Variants in TIAL1 observed in about 807,000 individuals in gnomAD.
TIAL1 encodes the protein TIA1 cytotoxic granule associated RNA binding protein like 1.
Under a neutral mutation model 59.7 loss-of-function variants are expected in TIAL1, and 7 were observed. The ratio of observed to expected loss-of-function variants is 0.12; its 90% confidence interval spans 0.07 to 0.22. The LOEUF (loss-of-function observed/expected upper bound fraction) is 0.22, where lower values mean the gene tolerates loss of function less well. Ranked by LOEUF, TIAL1 falls within the 10% of genes least tolerant of loss-of-function variation. The pLI is 1.00. For synonymous variants in TIAL1, 149 were observed against 146.3 expected (o/e 1.02, Z -0.13); for missense variants, 225 against 462.5 (o/e 0.49, Z 4.71).
chr10:119,586,562 A>T (rs930677213), intron 2 of TIAL1, among the ~76,000 whole-genome samples: 3 of 152,180 alleles, frequency 2.0e-5, no homozygotes, highest in Non-Finnish European at 4.4e-5. Context: ...TAAATATGCA[A>T]ATCTTGGCAC....
At chr10:119,590,350 A>G (rs1219373957) in intron 1 of TIAL1, among the ~76,000 whole-genome samples, 2 of 152,324 alleles carry the variant, frequency 1.3e-5, no homozygotes, top group Middle Eastern at 3.4e-3. Context: ...TTCTTAACTC[A>G]TAGGGGTTTG....
In TIAL1 at chr10:119,582,043, AG is replaced by A; in HGVS notation, c.284-35del. On this transcript the variant is annotated intron_variant, in intron 4 of 11. Coordinates refer to ENST00000436547, the MANE Select transcript of TIAL1 (RefSeq NM_003252.4). The surrounding 1 kb of genome is among the most constrained non-coding windows in gnomAD (Gnocchi z 5.1). ...AGAGCATTTGGTAATCAAATACTTA[AG>A]AAGTCAGCCACTAAAACCTTTTTAA... 6.2e-7 allele frequency: 1 copy of A among 1,610,302 alleles called. No individual in the cohort carries two copies.
chr10:119,575,376 C>T lies in TIAL1; in HGVS notation c.*289G>A. On this transcript the variant is annotated 3_prime_UTR_variant, in exon 12 of 12. Transcript: ENST00000436547. ...GTATCTAAGAATCAAAATGTATTAG[C>T]CATTTTTCCTATTATATCAAAATTT... 3.8e-6 allele frequency: 1 copy of T among 264,082 alleles called. No homozygotes were observed. Among genetic ancestry groups the T allele is most frequent in the Non-Finnish European group, 7.3e-6 (1 of 137,124 alleles). 16.4% of individuals were successfully genotyped at this position (264,082 alleles called of 1,614,324 possible). A position where few individuals can be genotyped will look rare whatever the true frequency, so the allele number is the denominator to read the frequency against.
At chr10:119,577,842 C>T in intron 7 of TIAL1, 106 bp from the exon 8 acceptor site, 2 of 973,666 alleles carry the variant, frequency 2.1e-6, no homozygotes, top group South Asian at 3.0e-5. Flanking sequence ...GGGCACCCAG[C>T]ACTTTGGGAG....
At chr10:119,580,125 C>T in intron 5 of TIAL1, 115 bp from the exon 6 acceptor site, 2 of 801,256 alleles carry the variant, frequency 2.5e-6, no homozygotes, top group Middle Eastern at 2.4e-4. Context: ...TCCAGTTAGC[C>T]CTAATTAACT....
chr10:119,587,472 G>C (rs947980454), intron 2 of TIAL1, among the ~76,000 whole-genome samples: 4 of 152,202 alleles, frequency 2.6e-5, no homozygotes, highest in African/African-American at 9.7e-5. Context: ...ACTTTAAGTT[G>C]TCTGCTTCTA....
chr10:119,577,769 G>A (rs765743432), intron 7 of TIAL1, 33 bp from the exon 8 acceptor site: 1 of 1,528,276 alleles, frequency 6.5e-7, no homozygotes. Context: ...AACGTTGACT[G>A]TTATATTGTA....
intron 1 of TIAL1, among the ~76,000 whole-genome samples, chr10:119,590,760 GAGAGAA>G (rs1330786452): frequency 1.8e-5 from 2 of 113,814 alleles, no homozygotes; most frequent in African/African-American, 7.2e-5. Flanking sequence ...CAGAGAGAAA[GAGAGAA>G]AGAAAGAAAG....
rs5788360 is a variant in TIAL1, at chr10:119,574,586, C to CAAAAAAAAAAAAAAAAAAAAAAA, written c.*1078_*1079insTTTTTTTTTTTTTTTTTTTTTTT. ...TATTTACATACCAAGTAATGTAAAG[C>CAAAAAAAAAAAAAAAAAAAAAAA]AAAAAAAAAAAAAAAAAAAAACAAA... On this transcript the variant is annotated 3_prime_UTR_variant, in exon 12 of 12. Coordinates refer to ENST00000436547, the MANE Select transcript of TIAL1 (RefSeq NM_003252.4). 7 of 86,574 alleles carry CAAAAAAAAAAAAAAAAAAAAAAA rather than the reference C, an allele frequency of 8.1e-5. No individual in the cohort carries two copies. Among genetic ancestry groups the CAAAAAAAAAAAAAAAAAAAAAAA allele is most frequent in the East Asian group, 4.0e-4 (1 of 2,472 alleles). The allele number at this position is 86,574 out of a possible 1,614,324, so 5.4% of individuals were successfully genotyped here.
At chr10:119,591,862 A>G (rs1845900595) in intron 1 of TIAL1, 1 of 152,226 alleles carries the variant, frequency 6.6e-6, no homozygotes, top group African/African-American at 2.4e-5. Flanking sequence ...GACGTATTGT[A>G]TAGCTTTTAA....
chr10:119,577,349 C>A, intron 9 of TIAL1, 102 bp downstream of exon 9: 2 of 1,432,366 alleles, frequency 1.4e-6, no homozygotes, highest in Non-Finnish European at 9.4e-7. Context: ...TTCTATACTG[C>A]AAAGAAGCAC....
chr10:119,582,688 A>T lies in TIAL1; in HGVS notation c.130-131T>A. 1 of 1,384,082 alleles carries T rather than the reference A, an allele frequency of 7.2e-7. No homozygotes were observed. Among genetic ancestry groups the T allele is most frequent in the Non-Finnish European group, 9.5e-7 (1 of 1,050,900 alleles). 85.7% of individuals were successfully genotyped at this position (1,384,082 alleles called of 1,614,324 possible). On this transcript the variant is annotated intron_variant, in intron 2 of 11. Transcript: ENST00000436547. The surrounding 1 kb of genome is among the most constrained non-coding windows in gnomAD (Gnocchi z 5.1). ...AGACTGCATAAGCTTATGAAAGCCT[A>T]ACACTTTTTAAATAAGATTTAAAGC...
intron 1 of TIAL1, among the ~76,000 whole-genome samples, chr10:119,596,227 AC>A (rs1275399417): frequency 6.6e-6 from 1 of 152,072 alleles, no homozygotes; most frequent in African/African-American, 2.4e-5. Flanking sequence ...CAAGCCCCAG[AC>A]CCCAGGAAGT....
At chr10:119,593,370 C>A in intron 1 of TIAL1, 2 of 627,974 alleles carry the variant, frequency 3.2e-6, no homozygotes, top group Non-Finnish European at 4.0e-6. Flanking sequence ...AATTTAGGCT[C>A]AACATCAAAG....
At chr10:119,586,162 A>C (rs750877116) in intron 2 of TIAL1, among the ~76,000 whole-genome samples, 29 of 152,182 alleles carry the variant, frequency 1.9e-4, no homozygotes, top group Non-Finnish European at 3.4e-4. Flanking sequence ...TTTGATGTCT[A>C]ATTCATGTCT....
chr10:119,577,384 G>A, intron 9 of TIAL1, 67 bp downstream of exon 9: 2 of 1,502,682 alleles, frequency 1.3e-6, no homozygotes, highest in Non-Finnish European at 9.1e-7. Flanking sequence ...CTGATACCCT[G>A]GAGAACATAA....
intron 1 of TIAL1, among the ~76,000 whole-genome samples, chr10:119,592,479 C>A (rs1564746298): frequency 6.6e-6 from 1 of 152,148 alleles, no homozygotes; most frequent in Non-Finnish European, 1.5e-5. Flanking sequence ...ACTAATGACA[C>A]TTTTTCAACA....
rs1268022384 is a variant in TIAL1, at chr10:119,573,960, AATC to A, written c.*1702_*1704del. Reference sequence around the variant, plus strand: ...AATTATTGTGACCACCAATTTATAAAATCATTATTTTAAAGCTAATCGTAAAAC... The same window carrying A: ...AATTATTGTGACCACCAATTTATAAAATTATTTTAAAGCTAATCGTAAAAC... On this transcript the variant is annotated 3_prime_UTR_variant, in exon 12 of 12. Transcript: ENST00000436547. 2 of 152,520 alleles carry A rather than the reference AATC, an allele frequency of 1.3e-5. No individual in the cohort carries two copies. The highest frequency in any genetic ancestry group is 2.9e-5 in the Non-Finnish European group (2 of 68,040). The allele number at this position is 152,520 out of a possible 1,614,324, so 9.4% of individuals were successfully genotyped here. A position where few individuals can be genotyped will look rare whatever the true frequency, so the allele number is the denominator to read the frequency against.
rs181402229 is a variant in TIAL1 at position 119,590,487 on chromosome 10, G to A, written c.33-2239C>T. On this transcript the variant is annotated intron_variant, in intron 1 of 11. Transcript: ENST00000436547. ...AGCACTTTGGGAGGCTATGGCAGGC[G>A]GATCATGAGGTCAGGAGTTTGAGAC... Among the ~76,000 whole-genome samples the A allele has an allele frequency of 2.5e-3, 388 of 152,190 alleles. 1 individual carries two copies. Among genetic ancestry groups the A allele is most frequent in the African/African-American group, 8.6e-3 (357 of 41,518 alleles).
Sources: allele counts gnomAD v4.1 joint callset (sites outside exome capture counted in the v4.1 genomes callset), GRCh38; gene constraint gnomAD v4.1.1; non-coding constraint Gnocchi (gnomAD v3.1); transcripts MANE v1.5; gene names NCBI Gene and HGNC (gene_info 2026-07-23, HGNC 2026-07-21).